The following ATOSA variants were observed in gnomAD, a reference collection of about 807,000 sequenced individuals.
ATOSA encodes the protein atos homolog protein A.
the ATOSA span, among the ~76,000 whole-genome samples, chr15:52,665,946 A>AG: frequency 6.6e-6 from 1 of 152,220 alleles, no homozygotes; most frequent in South Asian, 2.1e-4. Flanking sequence ...AGGTAAAAAA[A>AG]GTTTCCTAAA....
the ATOSA span, chr15:52,613,725 T>G: frequency 8.1e-6 from 13 of 1,613,820 alleles, no homozygotes; most frequent in Non-Finnish European, 1.0e-5. Flanking sequence ...GTAACAAGAC[T>G]GTGCTGGAGG....
the ATOSA span, among the ~76,000 whole-genome samples, chr15:52,599,231 A>G: frequency 1.3e-5 from 2 of 152,210 alleles, no homozygotes; most frequent in African/African-American, 4.8e-5. Flanking sequence ...AAGAAAAATA[A>G]TTTCTTGTAG....
At chr15:52,621,814 T>C in the ATOSA span, among the ~76,000 whole-genome samples, 1 of 152,136 alleles carries the variant, frequency 6.6e-6, no homozygotes, top group African/African-American at 2.4e-5. Context: ...GGGTATGTCT[T>C]TACTAGCAGC....
chr15:52,685,803 G>A, the ATOSA span, among the ~76,000 whole-genome samples: 1 of 152,124 alleles, frequency 6.6e-6, no homozygotes, highest in African/African-American at 2.4e-5. Context: ...GGACTCCTGT[G>A]GGCAAATTAT....
chr15:52,699,411 G>A, the ATOSA span, among the ~76,000 whole-genome samples: 1 of 151,544 alleles, frequency 6.6e-6, no homozygotes, highest in Non-Finnish European at 1.5e-5. Flanking sequence ...TCCTTGATGG[G>A]TCCTCCTCCT....
At chr15:52,637,701 T>C in the ATOSA span, among the ~76,000 whole-genome samples, 4 of 152,192 alleles carry the variant, frequency 2.6e-5, no homozygotes, top group African/African-American at 4.8e-5. Flanking sequence ...CCCCACTATA[T>C]ACTAATAAGA....
the ATOSA span, among the ~76,000 whole-genome samples, chr15:52,696,826 C>T: frequency 6.6e-6 from 1 of 151,042 alleles, no homozygotes; most frequent in South Asian, 2.1e-4. Context: ...CTTTTAATTC[C>T]TATGTATTTT....
the ATOSA span, chr15:52,585,057 A>T: frequency 6.5e-6 from 5 of 765,562 alleles, no homozygotes; most frequent in South Asian, 9.1e-5. Flanking sequence ...ATACCACTGA[A>T]TATAATTCAG....
the ATOSA span, among the ~76,000 whole-genome samples, chr15:52,654,822 C>T: frequency 6.6e-6 from 1 of 152,066 alleles, no homozygotes; most frequent in African/African-American, 2.4e-5. Context: ...AGATAACATG[C>T]TATCTTTGAG....
At chr15:52,676,512 TA>T in the ATOSA span, among the ~76,000 whole-genome samples, 1 of 149,890 alleles carries the variant, frequency 6.7e-6, no homozygotes, top group East Asian at 2.1e-4. Context: ...CTGGTTTTAG[TA>T]AAAGAAAAAA....
the ATOSA span, among the ~76,000 whole-genome samples, chr15:52,618,482 C>T: frequency 6.6e-6 from 1 of 152,038 alleles, no homozygotes; most frequent in African/African-American, 2.4e-5. Flanking sequence ...AAAGGACATA[C>T]AAAGTGGGGA....
the ATOSA span, chr15:52,658,098 A>G: frequency 6.6e-6 from 1 of 152,242 alleles, no homozygotes; most frequent in Non-Finnish European, 1.5e-5. Flanking sequence ...ATCATATTCA[A>G]CAAACATGGA....
the ATOSA span, among the ~76,000 whole-genome samples, chr15:52,636,828 T>C: frequency 1.3e-5 from 2 of 152,318 alleles, no homozygotes; most frequent in African/African-American, 2.4e-5. Flanking sequence ...GGCCTGCATG[T>C]AGAGCTAGGT....
the ATOSA span, among the ~76,000 whole-genome samples, chr15:52,690,022 G>A: frequency 2.6e-5 from 4 of 152,178 alleles, no homozygotes; most frequent in East Asian, 7.7e-4. Flanking sequence ...AGATTTTTTT[G>A]TGTTCTTTTT....
the ATOSA span, among the ~76,000 whole-genome samples, chr15:52,679,779 CCTCCTCCTCCTCCT>C: frequency 2.4e-5 from 3 of 124,044 alleles, no homozygotes; most frequent in South Asian, 2.9e-4. Flanking sequence ...TCCTCCTCCT[CCTCCTCCTCCTCCT>C]CCCCCCTCCC....
chr15:52,597,409 CTG>C, the ATOSA span, among the ~76,000 whole-genome samples: 1 of 152,120 alleles, frequency 6.6e-6, no homozygotes, highest in Admixed American at 6.5e-5. Context: ...AATAAACAAA[CTG>C]TGGTCTATCC....
the ATOSA span, chr15:52,613,539 G>T: frequency 1.9e-6 from 2 of 1,067,866 alleles, no homozygotes; most frequent in Non-Finnish European, 2.6e-6. Context: ...TCCAGGATTT[G>T]GATTTTTTCC....
the ATOSA span, among the ~76,000 whole-genome samples, chr15:52,648,056 C>G: frequency 1.3e-5 from 2 of 152,064 alleles, no homozygotes; most frequent in African/African-American, 2.4e-5. Context: ...TTAAAATTCT[C>G]AAAATACTGA....
chr15:52,704,156 G>C, the ATOSA span, among the ~76,000 whole-genome samples: 7 of 152,136 alleles, frequency 4.6e-5, no homozygotes, highest in African/African-American at 1.7e-4. Flanking sequence ...TACCAAAACA[G>C]AGATATAGAC....
Sources: gnomAD v4.1 joint callset for allele counts (sites outside exome capture counted in the v4.1 genomes callset) on GRCh38, gnomAD v4.1.1 for gene constraint, MANE v1.5 for transcripts, NCBI Gene and HGNC (gene_info 2026-07-23, HGNC 2026-07-21) for gene names.